ZNF638: variants seen among roughly 807,000 people sequenced by gnomAD.
The protein encoded by ZNF638 is zinc finger protein 638.
A neutral mutation model predicts 195.6 loss-of-function variants in ZNF638; 46 were observed. The ratio of observed to expected loss-of-function variants is 0.24; its 90% confidence interval spans 0.19 to 0.30. ZNF638 has a LOEUF of 0.30. ZNF638 is among the 10% of genes least tolerant of loss of function. The pLI is 1.00. For missense variants in ZNF638, 2,440 were observed against 2,325.3 expected, an observed-to-expected ratio of 1.05 and a Z score of -1.01; for synonymous variants, 845 against 772.0, an observed-to-expected ratio of 1.09 and a Z score of -1.57.
chr2:71,334,744 C>G (rs2104060425), intron 1 of ZNF638: 1 of 152,156 alleles, frequency 6.6e-6, no homozygotes, highest in Admixed American at 6.6e-5. Flanking sequence ...ACGGTGAATC[C>G]CCATCTCTAC....
At chr2:71,404,783 G>A (rs866069550) in intron 17 of ZNF638, among the ~76,000 whole-genome samples, 2 of 152,056 alleles carry the variant, frequency 1.3e-5, no homozygotes, top group Non-Finnish European at 2.9e-5. Flanking sequence ...GTACATACAC[G>A]CTACCTTCAG....
intron 21 of ZNF638, 25 bp downstream of exon 21, chr2:71,418,664 A>G: frequency 2.7e-6 from 4 of 1,504,188 alleles, no homozygotes; most frequent in Non-Finnish European, 3.6e-6. Flanking sequence ...GTTTACTAAC[A>G]CTTTTGTATA....
rs779813521 is a variant in ZNF638, at chr2:71,399,559, C to G, written c.2501C>G (p.Ala834Gly). ...TAATGGCTGACTGTACTTTTACAAG[C>G]AAAATCTGGTGGAAAGAAGTCTCTA... is the stretch of plus-strand genomic sequence containing the variant. ...VKGNKASIKTAKSGGKKSLEA... is the reference protein window; with the variant it reads ...VKGNKASIKTGKSGGKKSLEA... Residue 834 changes from alanine (A) to glycine (G), a missense_variant and splice_region_variant, in exon 13 of 28, where the codon GCA becomes GGA. This residue lies in a region of ZNF638 where 1,883 missense variants were observed against 1,739.1 expected (regional missense o/e 1.08). Transcript: ENST00000264447. 4 of 1,609,536 alleles carry G rather than the reference C, an allele frequency of 2.5e-6. No homozygotes were observed. In the African/African-American group the frequency reaches 5.4e-5, roughly 22 times the overall value.
chr2:71,418,619 C>A lies in ZNF638; in HGVS notation c.3279C>A (p.Asp1093Glu), dbSNP rs377201424. 365 of 1,554,956 alleles carry A rather than the reference C, an allele frequency of 2.3e-4. 2 individuals are homozygous for A. The South Asian group carries it at 4.0e-3, about 17-fold the overall frequency. Residue 1093 changes from aspartate (D) to glutamate (E), a missense_variant, in exon 21 of 28, where the codon GAC becomes GAA. By Grantham distance (45) the Asp-to-Glu change is conservative (BLOSUM62 2). This residue lies in a region of ZNF638 where 1,883 missense variants were observed against 1,739.1 expected (regional missense o/e 1.08). Coordinates refer to ENST00000264447, the MANE Select transcript of ZNF638 (RefSeq NM_014497.5). ...TATTACAGGTGCAAATTGAGCATGA[C>A]CCAGAATTAGAAAAAGAAAGGTATG... ...IDLPEVQIEH[D>E]PELEKESPGL...
intron 8 of ZNF638, among the ~76,000 whole-genome samples, chr2:71,379,092 T>G (rs988754111): frequency 3.9e-5 from 6 of 152,142 alleles, no homozygotes; most frequent in African/African-American, 1.4e-4. Context: ...TGGCAAGGAC[T>G]GAAGCAGAGA....
At chr2:71,414,182 A>G (rs1454839040) in intron 20 of ZNF638, among the ~76,000 whole-genome samples, 3 of 105,164 alleles carry the variant, frequency 2.9e-5, no homozygotes, top group African/African-American at 1.1e-4. Flanking sequence ...CAGAGATTCA[A>G]CTTCTTCCTG....
At chr2:71,388,755 A>G (rs772563969) in intron 10 of ZNF638, 1 of 1,036,934 alleles carries the variant, frequency 9.6e-7, no homozygotes, top group South Asian at 1.3e-5. Flanking sequence ...GGGATATCCA[A>G]GTTCAGGGGA....
At position 71,431,685 on chromosome 2, in the gene ZNF638, G is replaced by A. The variant is rs377496600; in HGVS notation, c.5752+257G>A. ...TGAGGCAGGAGAATGGCGTGAACCC[G>A]GGAGGCGGAGCTTGCAGTGAGCCGA... On this transcript the variant is annotated intron_variant, in intron 26 of 27. Transcript: ENST00000264447. Among the ~76,000 whole-genome samples, 185 of 151,960 alleles carry A rather than the reference G, an allele frequency of 1.2e-3. No individual in the cohort carries two copies. The South Asian group carries it at 0.016, about 14-fold the overall frequency.
intron 21 of ZNF638, among the ~76,000 whole-genome samples, chr2:71,419,958 T>TTC (rs1558881346): frequency 5.6e-4 from 15 of 26,570 alleles, no homozygotes; most frequent in South Asian, 2.6e-3. Context: ...ACTTCTTAAT[T>TTC]CCCACCCCCC....
chr2:71,428,440 A>AT (rs953288182), intron 24 of ZNF638, 107 bp from the exon 25 acceptor site: 10 of 919,314 alleles, frequency 1.1e-5, no homozygotes, highest in Non-Finnish European at 1.4e-5. Flanking sequence ...AAATTTGGGT[A>AT]TTTTTTGCAA....
At chr2:71,353,911 G>C (rs1289932796) in intron 2 of ZNF638, among the ~76,000 whole-genome samples, 1 of 152,180 alleles carries the variant, frequency 6.6e-6, no homozygotes, top group African/African-American at 2.4e-5. Context: ...TACTACTAGA[G>C]ACTCTTCTTC....
chr2:71,395,574 A>C, intron 10 of ZNF638: 2 of 580,740 alleles, frequency 3.4e-6, no homozygotes, highest in Admixed American at 5.1e-5. Context: ...TGATCATCCT[A>C]TTGCGCGCAG....
chr2:71,336,327 C>T (rs954564267), intron 1 of ZNF638, among the ~76,000 whole-genome samples: 2 of 140,730 alleles, frequency 1.4e-5, no homozygotes, highest in East Asian at 2.5e-4. Flanking sequence ...CCGAGATTTG[C>T]GCCCTTGCAC....
intron 1 of ZNF638, among the ~76,000 whole-genome samples, chr2:71,340,465 A>C (rs749494785): frequency 6.6e-6 from 1 of 152,236 alleles, no homozygotes; most frequent in Non-Finnish European, 1.5e-5. Flanking sequence ...AGCTGAATAA[A>C]CAATCAGCCT....
chr2:71,351,657 T>C (rs1327467113), intron 2 of ZNF638, among the ~76,000 whole-genome samples: 1 of 152,210 alleles, frequency 6.6e-6, no homozygotes, highest in Non-Finnish European at 1.5e-5. Flanking sequence ...GTAGAAAAGG[T>C]GTACATTTAA....
intron 3 of ZNF638, among the ~76,000 whole-genome samples, chr2:71,356,181 G>A (rs758665130): frequency 4.6e-5 from 7 of 152,162 alleles, no homozygotes; most frequent in Non-Finnish European, 1.0e-4. Flanking sequence ...GCTCTTCTCT[G>A]ACTTAGAACC....
chr2:71,427,237 T>G lies in ZNF638; in HGVS notation c.5368T>G (p.Leu1790Val). 6.2e-7 allele frequency: 1 copy of G among 1,612,906 alleles called. No individual in the cohort carries two copies. Among genetic ancestry groups the G allele is most frequent in the Non-Finnish European group, 8.5e-7 (1 of 1,179,734 alleles). The change falls in exon 24 of 28, where the codon TTA (leucine) becomes GTA (valine). Residue 1790 changes from leucine (L) to valine (V), a missense_variant. Leu to Val is a conservative substitution (Grantham distance 32). Transcript: ENST00000264447. ...VGEEEDGDND[L>V]KVELAQSKND... ...AGAGGAGGAAGATGGAGATAATGAT[T>G]TAAAAGTTGAGTTAGCACAAAGCAA...
At position 71,423,137 on chromosome 2, in the gene ZNF638, A is replaced by C. The variant is rs766669373; in HGVS notation, c.3623A>C (p.Asp1208Ala). Residue 1208 changes from aspartate to alanine, a missense_variant, in exon 22 of 28, where the codon GAC (aspartate) becomes GCC (alanine). Physicochemically the swap from Asp to Ala is moderately radical, Grantham distance 126. Transcript: ENST00000264447. ...CALNQQMFNSDLEKKGAEIIN... is the reference protein window; with the variant it reads ...CALNQQMFNSALEKKGAEIIN... Reference sequence around the variant, plus strand: ...TTAAATCAGCAGATGTTTAACAGTGACTTGGAGAAGAAAGGGGCAGAAATT... The same window carrying C: ...TTAAATCAGCAGATGTTTAACAGTGCCTTGGAGAAGAAAGGGGCAGAAATT... 1.2e-6 allele frequency: 2 copies of C among 1,614,018 alleles called. No individual in the cohort carries two copies. The highest frequency in any genetic ancestry group is 2.2e-5 in the East Asian group (1 of 44,890).
chr2:71,364,387 C>T (rs2079160045), intron 5 of ZNF638, 135 bp downstream of exon 5: 1 of 908,892 alleles, frequency 1.1e-6, no homozygotes, highest in African/African-American at 1.7e-5. Context: ...CCACATGCCA[C>T]AGAGTTATTC....
Sources: gnomAD v4.1 joint callset for allele counts (sites outside exome capture counted in the v4.1 genomes callset) on GRCh38, gnomAD v4.1.1 for gene constraint, gnomAD v4.1.1 regional missense constraint, MANE v1.5 for transcripts, NCBI Gene and HGNC (gene_info 2026-07-23, HGNC 2026-07-21) for gene names.